ZNF536: variants seen among roughly 807,000 people sequenced by gnomAD.
ZNF536 encodes zinc finger protein 536.
ZNF536 carries 13 observed loss-of-function variants against 84.5 expected under a neutral mutation model. That is an observed-to-expected ratio of 0.15 (90% CI 0.10 to 0.24). ZNF536 has a LOEUF of 0.24. Among genes scored for constraint, ZNF536 ranks in the 10% least tolerant of loss-of-function variants. The probability of loss-of-function intolerance (pLI) is 1.00; values close to 1 mark genes in which losing one functional copy is unlikely to be tolerated. For synonymous variants in ZNF536, 811 were observed against 742.5 expected, an observed-to-expected ratio of 1.09 and a Z score of -1.50; for missense variants, 1,536 against 1,747.5, an observed-to-expected ratio of 0.88 and a Z score of 2.16.
chr19:30,253,858 G>A (rs1453495817), intron 1 of ZNF536, among the ~76,000 whole-genome samples: 2 of 152,110 alleles, frequency 1.3e-5, no homozygotes, highest in Non-Finnish European at 2.9e-5. Context: ...AACAAGCGTC[G>A]CAAATAAAAG....
chr19:30,488,008 C>T (rs1048419396), intron 2 of ZNF536, among the ~76,000 whole-genome samples: 1 of 152,100 alleles, frequency 6.6e-6, no homozygotes, highest in Admixed American at 6.5e-5. Context: ...CAACTTGCTC[C>T]AGAAATATTA....
chr19:30,601,348 G>T (rs1473104863), intron 1 of ZNF536, among the ~76,000 whole-genome samples: 2 of 152,142 alleles, frequency 1.3e-5, no homozygotes, highest in Non-Finnish European at 2.9e-5. Flanking sequence ...CTGCATCGGG[G>T]TCACATTCTA....
intron 1 of ZNF536, among the ~76,000 whole-genome samples, chr19:30,583,617 C>T (rs940348455): frequency 1.3e-5 from 2 of 152,176 alleles, no homozygotes; most frequent in Non-Finnish European, 2.9e-5. Context: ...TGACCCCTAG[C>T]CCCTGAGTGT....
intron 1 of ZNF536, among the ~76,000 whole-genome samples, chr19:30,703,414 C>G (rs898158940): frequency 8.5e-5 from 13 of 152,190 alleles, no homozygotes. Context: ...CAACTTAGCC[C>G]TACCTTCTAA....
intron 2 of ZNF536, among the ~76,000 whole-genome samples, chr19:30,509,689 T>C (rs1209320028): frequency 6.6e-6 from 1 of 152,128 alleles, no homozygotes; most frequent in Non-Finnish European, 1.5e-5. Flanking sequence ...GCAGCTAAAA[T>C]CTAAAATCTA....
At chr19:30,256,790 G>A (rs2145186404) in intron 1 of ZNF536, among the ~76,000 whole-genome samples, 1 of 152,284 alleles carries the variant, frequency 6.6e-6, no homozygotes, top group East Asian at 1.9e-4. Context: ...AGACTTCCGG[G>A]AGATGGAGGT....
chr19:30,547,891 A>G (rs1599762259), intron 3 of ZNF536, 52 bp from the exon 4 acceptor site: 3 of 1,507,644 alleles, frequency 2.0e-6, no homozygotes, highest in East Asian at 4.6e-5. Context: ...CTCGTTCAGC[A>G]CACCAAAATG....
At chr19:30,618,113 T>A (rs2048366477) in intron 1 of ZNF536, among the ~76,000 whole-genome samples, 1 of 152,208 alleles carries the variant, frequency 6.6e-6, no homozygotes, top group African/African-American at 2.4e-5. Context: ...TTTTGGTGAT[T>A]TCTGCTTTTT....
At chr19:30,458,950 G>A (rs771575819) in intron 2 of ZNF536, among the ~76,000 whole-genome samples, 21 of 152,282 alleles carry the variant, frequency 1.4e-4, no homozygotes, top group Middle Eastern at 3.4e-3. Flanking sequence ...TACCCAGCAC[G>A]TCTGTGAGTG....
chr19:30,439,729 C>T (rs2051925802), intron 1 of ZNF536, among the ~76,000 whole-genome samples: 1 of 151,190 alleles, frequency 6.6e-6, no homozygotes. Flanking sequence ...GGAAGCATCT[C>T]CTAGGGAGCT....
intron 1 of ZNF536, among the ~76,000 whole-genome samples, chr19:30,619,784 G>A (rs1217461822): frequency 1.3e-5 from 2 of 152,248 alleles, no homozygotes; most frequent in Middle Eastern, 3.4e-3. Flanking sequence ...AGAAATTTTT[G>A]TTTGCTTTGC....
intron 1 of ZNF536, among the ~76,000 whole-genome samples, chr19:30,236,955 A>G (rs1440139381): frequency 6.6e-6 from 1 of 152,090 alleles, no homozygotes; most frequent in Non-Finnish European, 1.5e-5. Context: ...AACTGGTTGC[A>G]TTTTGACATT....
At chr19:30,385,664 C>T (rs1442585214) in intron 1 of ZNF536, among the ~76,000 whole-genome samples, 2 of 152,176 alleles carry the variant, frequency 1.3e-5, no homozygotes, top group African/African-American at 4.8e-5. Flanking sequence ...ATGGGCAGGA[C>T]ACACCTGTCC....
chr19:30,254,615 C>G (rs2145149291), intron 1 of ZNF536, among the ~76,000 whole-genome samples: 1 of 150,590 alleles, frequency 6.6e-6, no homozygotes, highest in East Asian at 1.9e-4. Flanking sequence ...ATCCAAACCT[C>G]CTCTGGAATG....
intron 1 of ZNF536, among the ~76,000 whole-genome samples, chr19:30,606,419 A>G (rs1053382490): frequency 1.3e-5 from 2 of 152,168 alleles, no homozygotes; most frequent in Admixed American, 6.5e-5. Flanking sequence ...CGGGCAACCC[A>G]TAACCTCTGG....
intron 1 of ZNF536, among the ~76,000 whole-genome samples, chr19:30,577,760 G>A (rs936392203): frequency 3.9e-5 from 6 of 152,132 alleles, no homozygotes; most frequent in East Asian, 1.9e-4. Context: ...CCTTTGAATC[G>A]CCAGTGGACT....
intron 1 of ZNF536, among the ~76,000 whole-genome samples, chr19:30,639,600 A>G (rs528356869): frequency 2.0e-5 from 3 of 152,230 alleles, no homozygotes; most frequent in Non-Finnish European, 4.4e-5. Flanking sequence ...GAAGATCACC[A>G]TAAGTCAATC....
At position 30,238,859 on chromosome 19, in the gene ZNF536, A is replaced by G. The variant is rs73924242; in HGVS notation, c.-190+10186A>G. On this transcript the variant is annotated intron_variant, in intron 1 of 5. Coordinates refer to the ZNF536 transcript ENST00000585628. ...TATATATATACACACACATACACATATACATACCAGAGACTCCCCTAATTT... is the reference window on the plus strand; with the variant it reads ...TATATATATACACACACATACACATGTACATACCAGAGACTCCCCTAATTT... Among the ~76,000 whole-genome samples the G allele has an allele frequency of 4.4e-3, 665 of 152,294 alleles. 5 individuals are homozygous for G. Among genetic ancestry groups the G allele is most frequent in the African/African-American group, 0.015 (633 of 41,546 alleles).
At chr19:30,269,088 G>C (rs1466223552) in intron 1 of ZNF536, among the ~76,000 whole-genome samples, 2 of 152,240 alleles carry the variant, frequency 1.3e-5, no homozygotes, top group African/African-American at 4.8e-5. Context: ...TAGTGAACAA[G>C]GTAGGGGAAG....
Sources: gnomAD v4.1 joint callset for allele counts (sites outside exome capture counted in the v4.1 genomes callset) on GRCh38, gnomAD v4.1.1 for gene constraint, MANE v1.5 for transcripts, NCBI Gene and HGNC (gene_info 2026-07-23, HGNC 2026-07-21) for gene names.